The following UXS1 variants were observed in gnomAD, a reference collection of about 807,000 sequenced individuals.
The protein encoded by UXS1 is UDP-glucuronic acid decarboxylase 1.
In UXS1, 33 loss-of-function variants were observed where a neutral mutation model predicts 62.6. The observed-to-expected ratio is 0.53, with a 90% CI of 0.40 to 0.70. The LOEUF (loss-of-function observed/expected upper bound fraction) is 0.70. UXS1 is among the 30% of genes least tolerant of loss of function. The pLI, the probability that UXS1 is intolerant of heterozygous loss-of-function variation, is 0.00. For synonymous variants in UXS1, 213 were observed against 206.8 expected, an observed-to-expected ratio of 1.03 and a Z score of -0.26; for missense variants, 434 against 556.3, an observed-to-expected ratio of 0.78 and a Z score of 2.21.
At chr2:106,165,777 A>G (rs750025087) in intron 2 of UXS1, among the ~76,000 whole-genome samples, 5 of 150,782 alleles carry the variant, frequency 3.3e-5, no homozygotes, top group Non-Finnish European at 7.4e-5. Context: ...CAATTTACAT[A>G]AGCTAGGGTC....
chr2:106,139,124 T>C lies in UXS1; in HGVS notation c.472+6066A>G, dbSNP rs942909951. Among the ~76,000 whole-genome samples, 11 of 152,148 alleles carry C rather than the reference T, an allele frequency of 7.2e-5. No homozygotes were observed. In the East Asian group the frequency reaches 1.4e-3, roughly 19 times the overall value. ...TGCACAGTTCAGAGTACACCAAGCATGAGCCTGACGTTCCAAAATCCAAGC... is the reference window on the plus strand; with the variant it reads ...TGCACAGTTCAGAGTACACCAAGCACGAGCCTGACGTTCCAAAATCCAAGC... On this transcript the variant is annotated intron_variant, in intron 6 of 14. Coordinates refer to ENST00000283148, the MANE Select transcript of UXS1 (RefSeq NM_001253875.2).
At chr2:106,155,690 GAAC>G (rs1353882460) in intron 5 of UXS1, among the ~76,000 whole-genome samples, 2 of 152,174 alleles carry the variant, frequency 1.3e-5, no homozygotes, top group East Asian at 1.9e-4. Context: ...GATGCTCACA[GAAC>G]AACAACAAAA....
Position 106,125,637 on chromosome 2 carries a change from G to T in UXS1, c.620C>A (p.Thr207Lys). The T allele has an allele frequency of 6.3e-7, 1 of 1,578,848 alleles. No individual in the cohort carries two copies. Among genetic ancestry groups the T allele is most frequent in the Non-Finnish European group, 8.6e-7 (1 of 1,162,080 alleles). ...RVGARLLLAS[T>K]SEVYGDPEVH... is the part of the protein sequence containing the mutation. ...CTACTCACCTCCATACACCTCCGAT[G>T]TGGAGGCCAGGAGCAGACGGGCACC... The change falls in exon 8 of 15, where the codon ACA (threonine) becomes AAA (lysine). Residue 207 changes from threonine to lysine, a missense_variant. Thr to Lys is a moderately conservative substitution (Grantham distance 78). This residue lies in a region of UXS1 where 134 missense variants were observed against 251.9 expected (regional missense o/e 0.53). Coordinates refer to ENST00000283148, the MANE Select transcript of UXS1 (RefSeq NM_001253875.2).
At chr2:106,182,252 AG>A (rs2105109564) in intron 1 of UXS1, among the ~76,000 whole-genome samples, 1 of 152,352 alleles carries the variant, frequency 6.6e-6, no homozygotes, top group African/African-American at 2.4e-5. Context: ...GAGCAAAAAA[AG>A]CAAAACAAAA....
chr2:106,105,970 A>ACAGCACCAGCCCCCT (rs1410218674), intron 10 of UXS1, among the ~76,000 whole-genome samples: 8 of 152,144 alleles, frequency 5.3e-5, no homozygotes, highest in Non-Finnish European at 1.0e-4. Flanking sequence ...AGCTCTGTGA[A>ACAGCACCAGCCCCCT]CAGCACCAGC....
At chr2:106,178,545 T>C (rs947857612) in intron 1 of UXS1, among the ~76,000 whole-genome samples, 1 of 151,968 alleles carries the variant, frequency 6.6e-6, no homozygotes, top group Non-Finnish European at 1.5e-5. Context: ...TGTCTGTAAA[T>C]ATATACAAGT....
intron 6 of UXS1, among the ~76,000 whole-genome samples, chr2:106,144,365 T>C (rs1208414607): frequency 6.6e-6 from 1 of 152,184 alleles, no homozygotes; most frequent in African/African-American, 2.4e-5. Flanking sequence ...TTGGAACGGT[T>C]AGAGCAGAAA....
At chr2:106,098,407 C>T (rs984038919) in intron 13 of UXS1, among the ~76,000 whole-genome samples, 37 of 152,194 alleles carry the variant, frequency 2.4e-4, no homozygotes, top group Non-Finnish European at 5.9e-5. Context: ...ATGACCAGTT[C>T]GGAAATCCAA....
chr2:106,100,005 G>C (rs1199715841), intron 12 of UXS1, among the ~76,000 whole-genome samples: 2 of 152,182 alleles, frequency 1.3e-5, no homozygotes, highest in Non-Finnish European at 1.5e-5. Flanking sequence ...ATAAGCAAAG[G>C]TGACATGGTT....
intron 10 of UXS1, among the ~76,000 whole-genome samples, chr2:106,105,295 G>A (rs778309459): frequency 2.0e-5 from 3 of 152,150 alleles, no homozygotes; most frequent in African/African-American, 2.4e-5. Context: ...GGATGAGGCC[G>A]GCATCTCCTG....
chr2:106,108,645 GC>G (rs1336371766), intron 10 of UXS1, among the ~76,000 whole-genome samples: 1 of 152,176 alleles, frequency 6.6e-6, no homozygotes, highest in East Asian at 1.9e-4. Context: ...AAGAGTCAAG[GC>G]TGCTACTGGG....
At chr2:106,108,995 C>G (rs1678347600) in intron 10 of UXS1, among the ~76,000 whole-genome samples, 1 of 152,108 alleles carries the variant, frequency 6.6e-6, no homozygotes, top group South Asian at 2.1e-4. Flanking sequence ...CCCCATATCC[C>G]CTAGAGTGTG....
At chr2:106,108,964 C>T (rs1234402924) in intron 10 of UXS1, among the ~76,000 whole-genome samples, 3 of 145,084 alleles carry the variant, frequency 2.1e-5, no homozygotes, top group Admixed American at 1.4e-4. Context: ...TGATCACCCT[C>T]GACATCTGAC....
At chr2:106,183,635 ACTGCCCTTC>A (rs1684384312) in intron 1 of UXS1, 1 of 152,234 alleles carries the variant, frequency 6.6e-6, no homozygotes, top group Non-Finnish European at 1.5e-5. Context: ...GCTGGCCGTC[ACTGCCCTTC>A]CTGCCTGGAA....
chr2:106,175,970 C>A (rs922147364), intron 1 of UXS1, among the ~76,000 whole-genome samples: 1 of 152,180 alleles, frequency 6.6e-6, no homozygotes, highest in Admixed American at 6.5e-5. Context: ...GATGCTCATA[C>A]GCCCAGGTCA....
chr2:106,104,768 G>A (rs757407754), intron 11 of UXS1, 26 bp downstream of exon 11: 10 of 1,613,814 alleles, frequency 6.2e-6, no homozygotes, highest in South Asian at 1.1e-5. Context: ...CACTGCTAAG[G>A]CTGGGGCAGG....
At chr2:106,190,730 C>A (rs1034219938) in intron 1 of UXS1, among the ~76,000 whole-genome samples, 2 of 93,412 alleles carry the variant, frequency 2.1e-5, no homozygotes, top group African/African-American at 8.6e-5. Context: ...GCAACAAAAG[C>A]GAAACTCTGT....
At chr2:106,098,901 C>A (rs1006206135) in intron 12 of UXS1, 128 bp from the exon 13 acceptor site, 13 of 763,946 alleles carry the variant, frequency 1.7e-5, no homozygotes, top group Non-Finnish European at 2.9e-5. Flanking sequence ...TTCAGCAGAG[C>A]TCCGTGTGCC....
chr2:106,156,894 T>C (rs1682476857), intron 5 of UXS1, among the ~76,000 whole-genome samples: 1 of 152,184 alleles, frequency 6.6e-6, no homozygotes, highest in Non-Finnish European at 1.5e-5. Context: ...GGTATATTCA[T>C]ATAACAGATT....
Sources: allele counts gnomAD v4.1 joint callset (sites outside exome capture counted in the v4.1 genomes callset), GRCh38; gene constraint gnomAD v4.1.1; regional missense constraint gnomAD v4.1.1; transcripts MANE v1.5; gene names NCBI Gene and HGNC (gene_info 2026-07-23, HGNC 2026-07-21).